The following SYNE1 variants were observed in gnomAD, a reference collection of about 807,000 sequenced individuals.
SYNE1 encodes the protein spectrin repeat containing nuclear envelope protein 1.
Under a neutral mutation model 1,111.0 loss-of-function variants are expected in SYNE1, and 616 were observed. That is an observed-to-expected ratio of 0.55 (90% CI 0.52 to 0.59). SYNE1 has a LOEUF of 0.59. Ranked by LOEUF, SYNE1 falls within the 20% of genes least tolerant of loss-of-function variation. SYNE1 has a pLI of 0.00. For missense variants in SYNE1, 10,006 were observed against 10,417.0 expected (o/e 0.96, Z 1.72); for synonymous variants, 3,855 against 3,825.8 (o/e 1.01, Z -0.28).
Position 152,334,058 on chromosome 6 carries a change from A to G in SYNE1, c.12744T>C (p.Val4248=), listed in dbSNP as rs1369623781. The G allele has an allele frequency of 6.2e-7, 1 of 1,614,198 alleles. No homozygotes were observed. Among genetic ancestry groups the G allele is most frequent in the Admixed American group, 1.7e-5 (1 of 60,016 alleles). The change falls in exon 77 of 146, where the codon GTT becomes GTC. Residue 4248 remains valine, a synonymous_variant. Coordinates refer to ENST00000367255, the MANE Select transcript of SYNE1 (RefSeq NM_182961.4). The stretch of plus-strand genomic sequence containing the variant: ...TAAATTTTTCTAGGAACACTTCAAC[A>G]ACATTCATACAGTCATGGTAATCTC... ...RTRDYHDCMN[V]VEVFLEKFTT... is the part of the protein sequence containing the mutation.
intron 130 of SYNE1, among the ~76,000 whole-genome samples, chr6:152,174,772 T>C (rs919588686): frequency 1.3e-5 from 2 of 152,170 alleles, no homozygotes; most frequent in Admixed American, 6.5e-5. Flanking sequence ...ATGGGCATAA[T>C]GATAAGGCCA....
chr6:152,133,480 C>T lies in SYNE1; in HGVS notation c.25797G>A (p.Lys8599=). The T allele has an allele frequency of 6.2e-7, 1 of 1,614,128 alleles. No individual in the cohort carries two copies. Among genetic ancestry groups the T allele is most frequent in the Non-Finnish European group, 8.5e-7 (1 of 1,180,010 alleles). ...QDHHKQLMQI[K]HELLESQLRV... Reference sequence around the variant, plus strand: ...TGAGTTGGGATTCCAACAGCTCATGCTTTATTTGCTATGCATACAAAAACA... The same window carrying T: ...TGAGTTGGGATTCCAACAGCTCATGTTTTATTTGCTATGCATACAAAAACA... Residue 8599 remains lysine, a synonymous_variant, in exon 143 of 146, where the codon AAG becomes AAA. Coordinates refer to ENST00000367255, the MANE Select transcript of SYNE1 (RefSeq NM_182961.4).
At chr6:152,396,523 T>C (rs2097733225) in intron 50 of SYNE1, among the ~76,000 whole-genome samples, 1 of 152,170 alleles carries the variant, frequency 6.6e-6, no homozygotes, top group African/African-American at 2.4e-5. Context: ...ATAAAAATTA[T>C]ATGCATTTAT....
intron 94 of SYNE1, 59 bp from the exon 95 acceptor site, chr6:152,293,808 A>T (rs1047524259): frequency 6.2e-7 from 1 of 1,613,006 alleles, no homozygotes; most frequent in Non-Finnish European, 8.5e-7. Context: ...TCAGATTACA[A>T]CATTTCTTTC....
chr6:152,151,745 C>T, intron 134 of SYNE1, 55 bp from the exon 135 acceptor site: 2 of 1,585,158 alleles, frequency 1.3e-6, no homozygotes, highest in Non-Finnish European at 1.7e-6. Context: ...TCCTTCTAAA[C>T]ATATGGAGAT....
At chr6:152,530,648 G>T (rs1473357618) in intron 4 of SYNE1, among the ~76,000 whole-genome samples, 1 of 147,684 alleles carries the variant, frequency 6.8e-6, no homozygotes, top group Non-Finnish European at 1.5e-5. Context: ...TTGAGACGGA[G>T]TCTTGCTCTG....
At chr6:152,370,548 T>G (rs910664229) in intron 59 of SYNE1, among the ~76,000 whole-genome samples, 17 of 152,232 alleles carry the variant, frequency 1.1e-4, no homozygotes, top group Non-Finnish European at 1.8e-4. Context: ...AGTTACTATG[T>G]AGTACCCTAG....
At chr6:152,530,475 T>C (rs1424840032) in intron 4 of SYNE1, among the ~76,000 whole-genome samples, 1 of 151,770 alleles carries the variant, frequency 6.6e-6, no homozygotes, top group Non-Finnish European at 1.5e-5. Context: ...ATGGTTTTTT[T>C]TTTTTTTTTT....
intron 127 of SYNE1, among the ~76,000 whole-genome samples, chr6:152,190,155 A>C (rs1016026582): frequency 2.6e-5 from 4 of 152,214 alleles, no homozygotes; most frequent in Non-Finnish European, 5.9e-5. Flanking sequence ...AAACATGCCC[A>C]ATCTTGTCTG....
intron 3 of SYNE1, among the ~76,000 whole-genome samples, chr6:152,540,398 C>T (rs542572042): frequency 4.6e-5 from 7 of 152,202 alleles, no homozygotes; most frequent in Non-Finnish European, 1.0e-4. Flanking sequence ...GGGCAAGGTC[C>T]CTGCTATAAA....
chr6:152,399,712 C>A lies in SYNE1; in HGVS notation c.7141G>T (p.Ala2381Ser), dbSNP rs766789322. Reference sequence around the variant, plus strand: ...TGTTTCTTTATCAGACCAGTCATTGCACGGCCCAGGCTCTCCAACTCAGCT... The same window carrying A: ...TGTTTCTTTATCAGACCAGTCATTGAACGGCCCAGGCTCTCCAACTCAGCT... ...HSAELESLGR[A>S]MTGLIKKHEA... Residue 2381 changes from alanine (A) to serine (S), a missense_variant, in exon 48 of 146, where the codon GCA (alanine) becomes TCA (serine). Physicochemically the swap from Ala to Ser is moderately conservative, Grantham distance 99. Coordinates refer to ENST00000367255, the MANE Select transcript of SYNE1 (RefSeq NM_182961.4). 4 of 1,614,140 alleles carry A rather than the reference C, an allele frequency of 2.5e-6. No homozygotes were observed. Among genetic ancestry groups the A allele is most frequent in the Non-Finnish European group, 1.7e-6 (2 of 1,180,014 alleles).
At chr6:152,396,093 T>C (rs561975357) in intron 50 of SYNE1, among the ~76,000 whole-genome samples, 2 of 152,216 alleles carry the variant, frequency 1.3e-5, no homozygotes, top group African/African-American at 4.8e-5. Flanking sequence ...ATTTTGTGAC[T>C]TACTACAAAG....
intron 3 of SYNE1, 68 bp from the exon 4 acceptor site, chr6:152,540,089 C>T: frequency 4.8e-6 from 7 of 1,457,964 alleles, no homozygotes; most frequent in Non-Finnish European, 6.7e-6. Context: ...AGAAAAAGTC[C>T]TATTTACACA....
At chr6:152,273,333 G>C (rs2093350201) in intron 98 of SYNE1, among the ~76,000 whole-genome samples, 1 of 152,020 alleles carries the variant, frequency 6.6e-6, no homozygotes, top group Non-Finnish European at 1.5e-5. Context: ...GGAAACAGTT[G>C]GTTATTGTTA....
intron 56 of SYNE1, among the ~76,000 whole-genome samples, chr6:152,379,830 A>G (rs13220008): frequency 0.073 from 11,116 of 152,314 alleles, 603 homozygotes; most frequent in East Asian, 0.3. Context: ...CAACGTAAAA[A>G]TAATGAACAG....
intron 32 of SYNE1, among the ~76,000 whole-genome samples, chr6:152,439,638 T>A (rs556712133): frequency 1.4e-4 from 21 of 152,074 alleles, no homozygotes; most frequent in Admixed American, 9.2e-4. Flanking sequence ...CCTCAGTGAG[T>A]TTTTAGGAGA....
At chr6:152,408,773 GAGA>G (rs2097949223) in intron 44 of SYNE1, among the ~76,000 whole-genome samples, 1 of 152,052 alleles carries the variant, frequency 6.6e-6, no homozygotes. Flanking sequence ...GACCAACATG[GAGA>G]AACCCCGTCT....
rs566669894 is a variant in SYNE1, at chr6:152,151,370, G to T, written c.24450+183C>A. ...GCACTACCCAGATATAAGCAATAGTGGTTATTTCTGGGTAGTGCTCTTTAT... is the reference window on the plus strand; with the variant it reads ...GCACTACCCAGATATAAGCAATAGTTGTTATTTCTGGGTAGTGCTCTTTAT... On this transcript the variant is annotated intron_variant, in intron 135 of 145. Coordinates refer to ENST00000367255, the MANE Select transcript of SYNE1 (RefSeq NM_182961.4). Among the ~76,000 whole-genome samples the T allele has an allele frequency of 1.2e-4, 18 of 152,020 alleles. No homozygotes were observed. The South Asian group carries it at 2.9e-3, about 25-fold the overall frequency.
intron 39 of SYNE1, among the ~76,000 whole-genome samples, chr6:152,421,212 A>G (rs2098253978): frequency 6.6e-6 from 1 of 152,230 alleles, no homozygotes; most frequent in African/African-American, 2.4e-5. Flanking sequence ...CTCAAGTTAT[A>G]TTAGGACCTT....
Sources: gnomAD v4.1 joint callset for allele counts (sites outside exome capture counted in the v4.1 genomes callset) on GRCh38, gnomAD v4.1.1 for gene constraint, MANE v1.5 for transcripts, NCBI Gene and HGNC (gene_info 2026-07-23, HGNC 2026-07-21) for gene names.